Variants in KIF5C observed in about 807,000 individuals in gnomAD.
KIF5C encodes the protein kinesin family member 5C, also known as kinesin heavy chain isoform 5C.
KIF5C carries 18 observed loss-of-function variants against 125.2 expected under a neutral mutation model. That is an observed-to-expected ratio of 0.14 (90% CI 0.10 to 0.21). KIF5C has a LOEUF of 0.21. Ranked by LOEUF, KIF5C falls within the 10% of genes least tolerant of loss-of-function variation. KIF5C has a pLI of 1.00. For missense variants in KIF5C, 780 were observed against 1,183.8 expected (o/e 0.66, Z 5.01); for synonymous variants, 405 against 434.0 (o/e 0.93, Z 0.83).
At chr2:148,937,555 G>T (rs770545145) in intron 4 of KIF5C, among the ~76,000 whole-genome samples, 167 bp downstream of exon 4, 2 of 152,202 alleles carry the variant, frequency 1.3e-5, no homozygotes, top group African/African-American at 4.8e-5. Context: ...GGTGTCTGGA[G>T]GGTTTGCTTG....
intron 3 of KIF5C, among the ~76,000 whole-genome samples, chr2:148,932,059 A>G (rs1298180768): frequency 2.0e-5 from 3 of 152,154 alleles, no homozygotes; most frequent in Admixed American, 2.0e-4. Flanking sequence ...GGATATTTTC[A>G]GAGGAAGACA....
intron 1 of KIF5C, among the ~76,000 whole-genome samples, chr2:148,891,649 A>G (rs1016556077): frequency 6.6e-6 from 1 of 152,200 alleles, no homozygotes. Context: ...CAACACTTAA[A>G]TAAGTGCTTT....
intron 1 of KIF5C, among the ~76,000 whole-genome samples, chr2:148,884,596 T>A (rs1440480898): frequency 6.6e-6 from 1 of 152,246 alleles, no homozygotes; most frequent in Non-Finnish European, 1.5e-5. Flanking sequence ...CTCACTAGAT[T>A]GCTTTAAAGC....
chr2:148,941,517 C>T, intron 4 of KIF5C, 93 bp from the exon 5 acceptor site: 1 of 1,482,946 alleles, frequency 6.7e-7, no homozygotes, highest in South Asian at 1.3e-5. Context: ...TCTTCTTAGC[C>T]ATGCATGATG....
At chr2:148,890,890 T>A (rs184057736) in intron 1 of KIF5C, among the ~76,000 whole-genome samples, 1 of 152,298 alleles carries the variant, frequency 6.6e-6, no homozygotes, top group Admixed American at 6.5e-5. Context: ...TATATGAATA[T>A]CTTATTTAAT....
At chr2:148,916,928 ATCTT>A (rs1183657737) in intron 1 of KIF5C, among the ~76,000 whole-genome samples, 2 of 152,122 alleles carry the variant, frequency 1.3e-5, no homozygotes, top group Admixed American at 1.3e-4. Flanking sequence ...CCCTCTCCTG[ATCTT>A]TCTTTATTTA....
chr2:148,947,640 C>T (rs1172691265), intron 8 of KIF5C, among the ~76,000 whole-genome samples: 2 of 152,232 alleles, frequency 1.3e-5, no homozygotes, highest in Non-Finnish European at 2.9e-5. Context: ...ACACCCTGAC[C>T]CATGCCCTCC....
intron 19 of KIF5C, chr2:148,998,966 C>T (rs1253386298): frequency 2.6e-5 from 4 of 156,650 alleles, no homozygotes; most frequent in East Asian, 1.9e-4. Flanking sequence ...TACACATACA[C>T]GCTCACTGGG....
intron 25 of KIF5C, among the ~76,000 whole-genome samples, chr2:149,012,745 C>T (rs971643946): frequency 2.6e-5 from 4 of 152,328 alleles, no homozygotes; most frequent in Middle Eastern, 3.4e-3. Context: ...GGAGGCAGCC[C>T]GCGGGCGGGC....
In KIF5C at chr2:148,922,216, A is replaced by C; in HGVS notation, c.206A>C (p.Gln69Pro). 6.2e-7 allele frequency: 1 copy of C among 1,610,570 alleles called. No homozygotes were observed. The highest frequency in any genetic ancestry group is 8.5e-7 in the Non-Finnish European group (1 of 1,177,264). The change falls in exon 2 of 26, where the codon CAA becomes CCA. Residue 69 changes from glutamine to proline, a missense_variant. By Grantham distance (76) the Gln-to-Pro change is moderately conservative. Coordinates refer to ENST00000435030, the MANE Select transcript of KIF5C (RefSeq NM_004522.3). Reference protein sequence around the residue: ...QEQVYNACAKQIVKDVLEGYN... With the variant: ...QEQVYNACAKPIVKDVLEGYN... Reference sequence around the variant, plus strand: ...CAGGTTTACAATGCATGTGCGAAGCAAATTGTCAAAGGTAAGTGCTATTTC... The same window carrying C: ...CAGGTTTACAATGCATGTGCGAAGCCAATTGTCAAAGGTAAGTGCTATTTC...
chr2:148,983,565 G>C, intron 14 of KIF5C, 55 bp from the exon 15 acceptor site: 5 of 1,481,604 alleles, frequency 3.4e-6, no homozygotes, highest in Non-Finnish European at 3.6e-6. Flanking sequence ...GTAATGTGGA[G>C]TGTATGAAAT....
chr2:149,013,687 T>A (rs1383910070), intron 25 of KIF5C, among the ~76,000 whole-genome samples: 4 of 152,196 alleles, frequency 2.6e-5, no homozygotes, highest in Admixed American at 2.6e-4. Context: ...AAGGCCTTAC[T>A]AAATATACTG....
At chr2:148,982,925 C>T (rs1049302012) in intron 14 of KIF5C, among the ~76,000 whole-genome samples, 2 of 152,020 alleles carry the variant, frequency 1.3e-5, no homozygotes, top group Non-Finnish European at 2.9e-5. Flanking sequence ...TGATGTTAAA[C>T]GTTAGTTAAG....
chr2:148,923,418 G>GA (rs903886092), intron 2 of KIF5C, among the ~76,000 whole-genome samples: 2 of 151,828 alleles, frequency 1.3e-5, no homozygotes, highest in Admixed American at 1.3e-4. Context: ...AACCCAATGA[G>GA]AAAAAAAATA....
At chr2:148,934,241 A>G (rs1682241879) in intron 3 of KIF5C, among the ~76,000 whole-genome samples, 2 of 150,686 alleles carry the variant, frequency 1.3e-5, no homozygotes, top group African/African-American at 4.9e-5. Flanking sequence ...ACACACAGAT[A>G]TATACACACC....
intron 2 of KIF5C, among the ~76,000 whole-genome samples, chr2:148,928,849 G>A (rs920325760): frequency 1.2e-4 from 18 of 152,154 alleles, no homozygotes; most frequent in African/African-American, 1.7e-4. Flanking sequence ...CTGGGCCAGC[G>A]TTTAAACTGA....
At chr2:148,903,695 A>G (rs928587200) in intron 1 of KIF5C, among the ~76,000 whole-genome samples, 3 of 152,156 alleles carry the variant, frequency 2.0e-5, no homozygotes, top group African/African-American at 7.2e-5. Context: ...CTGCAGTATT[A>G]TTATCATCCT....
chr2:148,918,672 C>T (rs754727246), intron 1 of KIF5C, among the ~76,000 whole-genome samples: 4 of 152,106 alleles, frequency 2.6e-5, no homozygotes, highest in South Asian at 2.1e-4. Flanking sequence ...GAGAAAAGTC[C>T]GTGGGGCCAC....
intron 3 of KIF5C, among the ~76,000 whole-genome samples, chr2:148,930,862 T>C (rs1682165212): frequency 6.6e-6 from 1 of 152,168 alleles, no homozygotes; most frequent in African/African-American, 2.4e-5. Flanking sequence ...TCTCACACTC[T>C]ACTGCAGAAC....
Sources: allele counts gnomAD v4.1 joint callset (sites outside exome capture counted in the v4.1 genomes callset), GRCh38; gene constraint gnomAD v4.1.1; transcripts MANE v1.5; gene names NCBI Gene and HGNC (gene_info 2026-07-23, HGNC 2026-07-21).